Variants in PPP4R2 observed in about 807,000 individuals in gnomAD.
PPP4R2 encodes protein phosphatase 4 regulatory subunit 2.
A neutral mutation model predicts 47.2 loss-of-function variants in PPP4R2; 13 were observed. The ratio of observed to expected loss-of-function variants is 0.28; its 90% CI spans 0.18 to 0.44. The LOEUF is 0.44. PPP4R2 is among the 20% of genes least tolerant of loss of function. The pLI, the probability that PPP4R2 is intolerant of heterozygous loss-of-function variation, is 1.00. For synonymous variants in PPP4R2, 151 were observed against 163.3 expected (o/e 0.92, Z 0.57); for missense variants, 421 against 491.2 (o/e 0.86, Z 1.35).
At chr3:73,014,917 T>G (rs1354296497) in intron 2 of PPP4R2, 1 of 679,700 alleles carries the variant, frequency 1.5e-6, no homozygotes, top group East Asian at 2.7e-5. Flanking sequence ...TTGCCCAGGC[T>G]GGCCTCGAAA....
At chr3:73,011,246 G>T (rs898690773) in intron 2 of PPP4R2, among the ~76,000 whole-genome samples, 27 of 152,174 alleles carry the variant, frequency 1.8e-4, no homozygotes, top group Non-Finnish European at 3.5e-4. Flanking sequence ...TTGGGAGGCC[G>T]AGGCGGGTGG....
At chr3:73,002,597 A>G (rs1701492629) in intron 2 of PPP4R2, among the ~76,000 whole-genome samples, 1 of 145,370 alleles carries the variant, frequency 6.9e-6, no homozygotes, top group Non-Finnish European at 1.5e-5. Flanking sequence ...ATGGGAGTGC[A>G]CAGGGATTTT....
At chr3:73,030,292 A>T (rs113103135) in intron 2 of PPP4R2, among the ~76,000 whole-genome samples, 1 of 152,216 alleles carries the variant, frequency 6.6e-6, no homozygotes, top group Non-Finnish European at 1.5e-5. Context: ...AGTTCCATCT[A>T]TGATAACAGG....
At chr3:73,062,136 TG>T in intron 5 of PPP4R2, 1 of 1,549,856 alleles carries the variant, frequency 6.5e-7, no homozygotes. Flanking sequence ...TCTTTTTGTT[TG>T]GGTCTGTGAC....
At chr3:73,015,015 T>C (rs930577642) in intron 2 of PPP4R2, 19 of 666,908 alleles carry the variant, frequency 2.8e-5, no homozygotes, top group Non-Finnish European at 4.9e-5. Flanking sequence ...TAATTTTTTT[T>C]CCTCGAAATA....
In PPP4R2 at chr3:73,015,437, A is replaced by C. The variant is rs554450618; in HGVS notation, c.116+17279A>C. Among the ~76,000 whole-genome samples, 5 of 149,696 alleles carry C rather than the reference A, an allele frequency of 3.3e-5. No individual in the cohort carries two copies. The South Asian group carries it at 1.1e-3, about 32-fold the overall frequency. On this transcript the variant is annotated intron_variant, in intron 2 of 8. Coordinates refer to ENST00000356692, the MANE Select transcript of PPP4R2 (RefSeq NM_174907.4). ...AGTAATCCACCCGCGTTGGCCTCCC[A>C]AAGTTGGGATTACAGGCATGAGCCA...
At chr3:73,040,689 T>A (rs1216650829) in intron 2 of PPP4R2, among the ~76,000 whole-genome samples, 1 of 151,988 alleles carries the variant, frequency 6.6e-6, no homozygotes, top group African/African-American at 2.4e-5. Flanking sequence ...ATTTTTGTAT[T>A]TTTAGTAGAG....
At chr3:73,008,278 G>A (rs1426031155) in intron 2 of PPP4R2, among the ~76,000 whole-genome samples, 1 of 152,164 alleles carries the variant, frequency 6.6e-6, no homozygotes, top group East Asian at 1.9e-4. Context: ...AAGTTGAATA[G>A]ATGCCCTTTT....
At position 73,043,921 on chromosome 3, in the gene PPP4R2, C is replaced by T. The variant is rs180751197; in HGVS notation, c.117-3265C>T. ...ATTAAAGAATAAGTCCCTTCACCTT[C>T]CTCCCCACAGTTCCAGACGACTCTA... On this transcript the variant is annotated intron_variant, in intron 2 of 8. Coordinates refer to ENST00000356692, the MANE Select transcript of PPP4R2 (RefSeq NM_174907.4). Among the ~76,000 whole-genome samples the T allele has an allele frequency of 9.8e-5, 15 of 152,350 alleles. No individual in the cohort carries two copies. The East Asian group carries it at 2.9e-3, about 29-fold the overall frequency.
intron 2 of PPP4R2, among the ~76,000 whole-genome samples, chr3:73,042,721 T>C (rs1352781882): frequency 6.6e-6 from 1 of 152,152 alleles, no homozygotes; most frequent in African/African-American, 2.4e-5. Flanking sequence ...CAAATAGTTG[T>C]CCTCCATCAA....
chr3:73,029,425 T>A (rs535046153), intron 2 of PPP4R2, among the ~76,000 whole-genome samples: 1 of 152,326 alleles, frequency 6.6e-6, no homozygotes, highest in South Asian at 2.1e-4. Flanking sequence ...TAAGAATTAG[T>A]CACATTGTGT....
Position 73,020,672 on chromosome 3 carries a change from T to TAAAAA in PPP4R2, c.116+22529_116+22533dup, listed in dbSNP as rs1553646728. 6.3e-3 allele frequency among the ~76,000 whole-genome samples: 841 copies of TAAAAA among 133,196 alleles called. 11 individuals are homozygous for TAAAAA. Among genetic ancestry groups the TAAAAA allele is most frequent in the African/African-American group, 0.012 (409 of 34,242 alleles). 87.4% of individuals were successfully genotyped at this position (133,196 alleles called of 152,430 possible). ...GCCACAGAGTGAGACCCTGTCTCTT[T>TAAAAA]AAAAAAAAAAAAAAAAAAAGTTAAA... is the stretch of plus-strand genomic sequence containing the variant. On this transcript the variant is annotated intron_variant, in intron 2 of 8. Coordinates refer to ENST00000356692, the MANE Select transcript of PPP4R2 (RefSeq NM_174907.4).
At chr3:73,064,767 TA>T (rs1447645964) in intron 7 of PPP4R2, 84 bp from the exon 8 acceptor site, 28 of 1,200,858 alleles carry the variant, frequency 2.3e-5, no homozygotes, top group African/African-American at 4.6e-5. Context: ...AAATACAATT[TA>T]AAACATTATT....
At chr3:73,022,117 G>A (rs755183651) in intron 2 of PPP4R2, among the ~76,000 whole-genome samples, 89 of 151,898 alleles carry the variant, frequency 5.9e-4, no homozygotes, top group Non-Finnish European at 1.1e-3. Context: ...GGCTGGTCTC[G>A]AACTCCTGAC....
At chr3:73,027,778 A>AG (rs1037349552) in intron 2 of PPP4R2, 2 of 152,002 alleles carry the variant, frequency 1.3e-5, no homozygotes, top group African/African-American at 4.8e-5. Flanking sequence ...AATAAGAAAA[A>AG]GGGTAAGGGA....
chr3:73,052,175 A>C (rs77426367), intron 3 of PPP4R2, among the ~76,000 whole-genome samples: 7,120 of 151,742 alleles, frequency 0.047, 553 homozygotes, highest in African/African-American at 0.16. Context: ...AAAGAATAAA[A>C]GTATATTTAT....
At chr3:73,038,360 AT>A (rs967393964) in intron 2 of PPP4R2, among the ~76,000 whole-genome samples, 3 of 150,756 alleles carry the variant, frequency 2.0e-5, no homozygotes, top group Non-Finnish European at 3.0e-5. Context: ...TTCTAGGGAC[AT>A]TTTTTTTTCT....
chr3:73,031,757 C>G (rs748023033), intron 2 of PPP4R2, among the ~76,000 whole-genome samples: 8 of 152,124 alleles, frequency 5.3e-5, no homozygotes, highest in Non-Finnish European at 8.8e-5. Context: ...CTCACTGTTG[C>G]AGTCTTCCTT....
At chr3:73,027,069 G>A (rs1702081581) in intron 2 of PPP4R2, among the ~76,000 whole-genome samples, 1 of 152,202 alleles carries the variant, frequency 6.6e-6, no homozygotes, top group Non-Finnish European at 1.5e-5. Flanking sequence ...CCTGGCATTT[G>A]TGATTATGTA....
Sources: gnomAD v4.1 joint callset for allele counts (sites outside exome capture counted in the v4.1 genomes callset) on GRCh38, gnomAD v4.1.1 for gene constraint, MANE v1.5 for transcripts, NCBI Gene and HGNC (gene_info 2026-07-23, HGNC 2026-07-21) for gene names.